The following CACNA1H variants were observed in gnomAD, a reference collection of about 807,000 sequenced individuals.
CACNA1H encodes the protein calcium voltage-gated channel subunit alpha1 H.
A neutral mutation model predicts 192.5 loss-of-function variants in CACNA1H; 149 were observed. The observed-to-expected ratio is 0.77, with a 90% CI of 0.68 to 0.89. CACNA1H has a LOEUF of 0.89. Among genes scored for constraint, CACNA1H ranks in the 40% least tolerant of loss-of-function variants. The pLI is 0.00. For missense variants in CACNA1H, 4,257 were observed against 3,423.5 expected, an observed-to-expected ratio of 1.24 and a Z score of -6.08; for synonymous variants, 2,202 against 1,475.2, an observed-to-expected ratio of 1.49 and a Z score of -11.29.
intron 2 of CACNA1H, among the ~76,000 whole-genome samples, chr16:1,189,843 CCT>C (rs1966441632): frequency 1.3e-5 from 2 of 152,326 alleles, no homozygotes; most frequent in East Asian, 3.9e-4. Context: ...CCTGTTCAGG[CCT>C]CTCTCTGGGG....
At chr16:1,199,762 C>T (rs930602036) in intron 6 of CACNA1H, among the ~76,000 whole-genome samples, 4 of 151,556 alleles carry the variant, frequency 2.6e-5, no homozygotes, top group African/African-American at 4.9e-5. Flanking sequence ...GTTCCCTGCC[C>T]TCAGCCCTCA....
chr16:1,177,243 C>T (rs911416840), intron 2 of CACNA1H, among the ~76,000 whole-genome samples: 1 of 152,218 alleles, frequency 6.6e-6, no homozygotes, highest in African/African-American at 2.4e-5. Flanking sequence ...CTGCTGTCCC[C>T]CAGGCCTCTC....
Position 1,171,843 on chromosome 16 carries a change from C to T in CACNA1H, c.299+17807C>T, listed in dbSNP as rs1034319672. On this transcript the variant is annotated intron_variant, in intron 2 of 34. Transcript: ENST00000348261. ...CTCCGAGCGCCAGCTGGGTCTGAGG[C>T]GTCTGTTCTGGGCTCTTCTCGCCCA... Among the ~76,000 whole-genome samples, 32 of 152,258 alleles carry T rather than the reference C, an allele frequency of 2.1e-4. No homozygotes were observed. The East Asian group carries it at 5.2e-3, about 25-fold the overall frequency.
At position 1,195,530 on chromosome 16, in the gene CACNA1H, G is replaced by A. The variant is rs777285771; in HGVS notation, c.510G>A (p.Thr170=). ...GGCAGAAGTGTTACCTGGGTGACACGTGGAACAGGCTGGATTTCTTCATCG... is the reference window on the plus strand; with the variant it reads ...GGCAGAAGTGTTACCTGGGTGACACATGGAACAGGCTGGATTTCTTCATCG... ...LFGQKCYLGD[T]WNRLDFFIVV... is the part of the protein sequence containing the mutation. Residue 170 remains threonine (T), a synonymous_variant, in exon 4 of 35, where the codon ACG becomes ACA. Transcript: ENST00000348261. The A allele has an allele frequency of 5.6e-6, 9 of 1,605,802 alleles. No individual in the cohort carries two copies. The highest frequency in any genetic ancestry group is 1.7e-4 in the Middle Eastern group (1 of 6,000).
At chr16:1,176,573 G>A (rs1596329677) in intron 2 of CACNA1H, among the ~76,000 whole-genome samples, 2 of 152,204 alleles carry the variant, frequency 1.3e-5, no homozygotes, top group Admixed American at 1.3e-4. Flanking sequence ...TGGGGATTCC[G>A]AGAATGGAAT....
At position 1,218,234 on chromosome 16, in the gene CACNA1H, G is replaced by A. The variant is rs1294741175; in HGVS notation, c.5470G>A (p.Glu1824Lys). ...MKDTLRECSREDKHCLSYLPA... is the reference protein window; with the variant it reads ...MKDTLRECSRKDKHCLSYLPA... ...GGACACGCTGCGCGAGTGCTCCCGT[G>A]AGGACAAGCACTGCCTGAGCTACCT... Residue 1824 changes from glutamate (E) to lysine (K), a missense_variant, in exon 33 of 35, where the codon GAG (glutamate) becomes AAG (lysine). Glu to Lys is a moderately conservative substitution (Grantham distance 56, BLOSUM62 1). Transcript: ENST00000348261. 2.6e-6 allele frequency: 4 copies of A among 1,550,222 alleles called. No individual in the cohort carries two copies. The highest frequency in any genetic ancestry group is 2.4e-5 in the South Asian group (2 of 84,066).
intron 9 of CACNA1H, 70 bp downstream of exon 9, chr16:1,202,522 G>A: frequency 7.4e-7 from 1 of 1,345,156 alleles, no homozygotes; most frequent in Non-Finnish European, 9.9e-7. Context: ...TCTCCGGTGT[G>A]TCATTCCCAC....
rs377293771 is a variant in CACNA1H at position 1,215,603 on chromosome 16, G to T, written c.5244+10G>T. On this transcript the variant is annotated intron_variant, in intron 30 of 34. Coordinates refer to ENST00000348261, the MANE Select transcript of CACNA1H (RefSeq NM_021098.3). ...GCAAGCTCTCCCCCAGGTAGGTGGA[G>T]CCCGCGCCATCCTCAGCGCAGGCCC... 1.8e-4 allele frequency: 293 copies of T among 1,607,796 alleles called. 1 individual carries two copies. Among genetic ancestry groups the T allele is most frequent in the Non-Finnish European group, 2.2e-4 (262 of 1,178,034 alleles).
chr16:1,186,397 C>T (rs909128476), intron 2 of CACNA1H, among the ~76,000 whole-genome samples: 8 of 152,188 alleles, frequency 5.3e-5, no homozygotes, highest in African/African-American at 1.9e-4. Context: ...TTCGTAATTG[C>T]ACACGCAGGG....
intron 2 of CACNA1H, among the ~76,000 whole-genome samples, chr16:1,155,474 C>T (rs895061298): frequency 6.6e-6 from 1 of 152,170 alleles, no homozygotes; most frequent in Non-Finnish European, 1.5e-5. Flanking sequence ...TCCGGCGGTG[C>T]CAGCAGGCCA....
intron 5 of CACNA1H, among the ~76,000 whole-genome samples, chr16:1,196,357 G>A (rs1596385488): frequency 2.6e-5 from 4 of 152,274 alleles, no homozygotes; most frequent in Admixed American, 1.3e-4. Context: ...GATCCCTGGT[G>A]GCTTTGCTGT....
intron 2 of CACNA1H, among the ~76,000 whole-genome samples, chr16:1,155,680 C>A (rs1397835123): frequency 6.6e-6 from 1 of 152,164 alleles, no homozygotes; most frequent in East Asian, 1.9e-4. Context: ...CAGCCCCGGG[C>A]CTGGCTGTCC....
chr16:1,171,088 G>A (rs1011596127), intron 2 of CACNA1H, among the ~76,000 whole-genome samples: 6 of 152,142 alleles, frequency 3.9e-5, no homozygotes, highest in South Asian at 2.1e-4. Flanking sequence ...CCCACTCCAC[G>A]GCCAGGCCTT....
chr16:1,221,027 C>G lies in CACNA1H; in HGVS notation c.*33C>G. The G allele has an allele frequency of 1.3e-6, 2 of 1,498,576 alleles. No individual in the cohort carries two copies. The highest frequency in any genetic ancestry group is 1.8e-6 in the Non-Finnish European group (2 of 1,124,598). 92.8% of individuals were successfully genotyped at this position (1,498,576 alleles called of 1,614,324 possible). Reference sequence around the variant, plus strand: ...CTTGGTGCCGCCCACGGCTTTGGCCCTGGGGTCTGGGGGCCCCGCTGGGGT... The same window carrying G: ...CTTGGTGCCGCCCACGGCTTTGGCCGTGGGGTCTGGGGGCCCCGCTGGGGT... On this transcript the variant is annotated 3_prime_UTR_variant, in exon 35 of 35. Coordinates refer to ENST00000348261, the MANE Select transcript of CACNA1H (RefSeq NM_021098.3).
chr16:1,211,111 C>G (rs546172605), intron 21 of CACNA1H, 57 bp from the exon 22 acceptor site: 2 of 1,592,690 alleles, frequency 1.3e-6, no homozygotes, highest in Non-Finnish European at 8.6e-7. Context: ...TGAGCTCTGC[C>G]GGCGCCTGGC....
At chr16:1,156,702 T>C (rs569214023) in intron 2 of CACNA1H, among the ~76,000 whole-genome samples, 1 of 152,162 alleles carries the variant, frequency 6.6e-6, no homozygotes, top group Admixed American at 6.5e-5. Context: ...CCACACTCAG[T>C]AAAGTGACTC....
At chr16:1,188,217 G>A (rs562436939) in intron 2 of CACNA1H, among the ~76,000 whole-genome samples, 1 of 152,304 alleles carries the variant, frequency 6.6e-6, no homozygotes, top group African/African-American at 2.4e-5. Context: ...GCGGGTCTGG[G>A]CGGTCCTGGG....
chr16:1,213,829 C>T lies in CACNA1H; in HGVS notation c.4827C>T (p.Ser1609=), dbSNP rs1969742525. The stretch of plus-strand genomic sequence containing the variant: ...CCGACTACTCGCCCACGCGCCGCTC[C>T]ATTCACTCGCTGTGCACCAGCCACT... ...YYADYSPTRR[S]IHSLCTSHYL... Residue 1609 remains serine (S), a synonymous_variant, in exon 27 of 35, where the codon TCC becomes TCT. Coordinates refer to ENST00000348261, the MANE Select transcript of CACNA1H (RefSeq NM_021098.3). The T allele has an allele frequency of 6.3e-7, 1 of 1,595,334 alleles. No individual in the cohort carries two copies. Among genetic ancestry groups the T allele is most frequent in the Admixed American group, 1.8e-5 (1 of 57,030 alleles).
At chr16:1,213,203 G>A (rs1279202069) in intron 26 of CACNA1H, among the ~76,000 whole-genome samples, 1 of 152,226 alleles carries the variant, frequency 6.6e-6, no homozygotes, top group Non-Finnish European at 1.5e-5. Context: ...AGGTACTTGG[G>A]CTGGTGGCCA....
Sources: allele counts gnomAD v4.1 joint callset (sites outside exome capture counted in the v4.1 genomes callset), GRCh38; gene constraint gnomAD v4.1.1; transcripts MANE v1.5; gene names NCBI Gene and HGNC (gene_info 2026-07-23, HGNC 2026-07-21).